The following CPLANE1 variants were observed in gnomAD, a reference collection of about 807,000 sequenced individuals.
CPLANE1 encodes ciliogenesis and planar polarity effector complex subunit 1.
CPLANE1 carries 263 observed loss-of-function variants against 362.5 expected under a neutral mutation model. The ratio of observed to expected loss-of-function variants is 0.73; its 90% CI spans 0.66 to 0.80. The LOEUF (loss-of-function observed/expected upper bound fraction) is 0.80, where lower values mean the gene tolerates loss of function less well. CPLANE1 is among the 30% of genes least tolerant of loss of function. The pLI is 0.00. For missense variants in CPLANE1, 3,461 were observed against 3,793.4 expected, an observed-to-expected ratio of 0.91 and a Z score of 2.30; for synonymous variants, 1,212 against 1,302.6, an observed-to-expected ratio of 0.93 and a Z score of 1.50.
the CPLANE1 span, among the ~76,000 whole-genome samples, chr5:37,082,815 T>C: frequency 2.1e-5 from 3 of 145,612 alleles, no homozygotes; most frequent in Non-Finnish European, 3.0e-5. Context: ...TTAGATGAAA[T>C]AGACATTAAG....
chr5:37,193,817 C>A (rs1331691069), intron 21 of CPLANE1, among the ~76,000 whole-genome samples: 3 of 151,938 alleles, frequency 2.0e-5, no homozygotes, highest in Non-Finnish European at 4.4e-5. Flanking sequence ...TAGCTCACTG[C>A]AGCCTAGAAA....
intron 46 of CPLANE1, 175 bp downstream of exon 46, chr5:37,138,545 T>C (rs771054536): frequency 1.3e-6 from 1 of 749,448 alleles, no homozygotes; most frequent in East Asian, 2.7e-5. Context: ...TTATATACTA[T>C]ATATTGTTAG....
At chr5:37,095,843 TA>T in the CPLANE1 span, among the ~76,000 whole-genome samples, 5 of 151,852 alleles carry the variant, frequency 3.3e-5, no homozygotes, top group African/African-American at 9.7e-5. Flanking sequence ...CTGCAAAAAA[TA>T]AAATGCTTAG....
rs866850814 is a variant in CPLANE1 at position 37,201,721 on chromosome 5, A to G, written c.3377T>C (p.Leu1126Pro). 6.2e-7 allele frequency: 1 copy of G among 1,614,156 alleles called. No individual in the cohort carries two copies. Among genetic ancestry groups the G allele is most frequent in the African/African-American group, 1.3e-5 (1 of 75,058 alleles). ...TATCAGAAGTTGAAATGTCTCCGAA[A>G]GAATATCTGCATCGGCCATAACTGA... ...KASVMADADI[L>P]SETFQLLIDS... Residue 1126 changes from leucine (L) to proline (P), a missense_variant, in exon 19 of 53, where the codon CTT becomes CCT. Physicochemically the swap from Leu to Pro is moderately conservative, Grantham distance 98. Coordinates refer to ENST00000651892, the MANE Select transcript of CPLANE1 (RefSeq NM_001384732.1).
chr5:37,180,250 T>TG (rs1561514657), intron 27 of CPLANE1, 67 bp from the exon 28 acceptor site: 1 of 949,690 alleles, frequency 1.1e-6, no homozygotes, highest in African/African-American at 1.9e-5. Flanking sequence ...CAGTTTTGGG[T>TG]TTTTTTTTTG....
At chr5:37,115,836 G>T (rs1224785228) in intron 50 of CPLANE1, among the ~76,000 whole-genome samples, 2 of 151,288 alleles carry the variant, frequency 1.3e-5, no homozygotes, top group Admixed American at 6.6e-5. Flanking sequence ...GACATGATCC[G>T]CCCACCTCAG....
In CPLANE1 at chr5:37,244,483, G is replaced by A. The variant is rs1738819609; in HGVS notation, c.462C>T (p.Ser154=). 1.3e-6 allele frequency: 2 copies of A among 1,551,648 alleles called. No individual in the cohort carries two copies. The highest frequency in any genetic ancestry group is 1.4e-5 in the African/African-American group (1 of 72,952). Residue 154 remains serine, a synonymous_variant, in exon 5 of 53, where the codon AGC becomes AGT. Coordinates refer to ENST00000651892, the MANE Select transcript of CPLANE1 (RefSeq NM_001384732.1). The part of the protein sequence containing the change: ...LELKNILSSK[S]LSLAGRWSQV... ...GGGACCACCGACCCGCCAATGAAAG[G>A]CTTTTAGAAGATAAGATATTCTTTA...
At chr5:37,138,981 TCTAGTATCTCTC>T in intron 45 of CPLANE1, 133 bp from the exon 46 acceptor site, 1 of 761,778 alleles carries the variant, frequency 1.3e-6, no homozygotes, top group Non-Finnish European at 2.0e-6. Context: ...TTTCTGTAAT[TCTAGTATCTCTC>T]AGTGAAAAAG....
chr5:37,175,329 G>C (rs1056928889), intron 31 of CPLANE1, among the ~76,000 whole-genome samples: 1 of 152,184 alleles, frequency 6.6e-6, no homozygotes, highest in African/African-American at 2.4e-5. Context: ...GCCGGATCTG[G>C]GTATGAGGAC....
chr5:37,217,849 A>G (rs935955167), intron 15 of CPLANE1, among the ~76,000 whole-genome samples: 2 of 150,740 alleles, frequency 1.3e-5, no homozygotes, highest in African/African-American at 4.9e-5. Context: ...GTGTGGTGGC[A>G]GGAGCCTGTA....
chr5:37,177,699 T>G lies in CPLANE1; in HGVS notation c.5822A>C (p.Glu1941Ala). ...TTGACACTGAACCTCTTCTGTGAAC[T>G]CCTGTTAAAATGAATAGTACCCAAA... is the stretch of plus-strand genomic sequence containing the variant. ...MMTLPQQLEEEFTEEVQCQRE... is the reference protein window; with the variant it reads ...MMTLPQQLEEAFTEEVQCQRE... The change falls in exon 30 of 53, where the codon GAG becomes GCG. Residue 1941 changes from glutamate (E) to alanine (A), a missense_variant and splice_region_variant. Physicochemically the swap from Glu to Ala is moderately radical, Grantham distance 107. Coordinates refer to ENST00000651892, the MANE Select transcript of CPLANE1 (RefSeq NM_001384732.1). 2 of 1,611,768 alleles carry G rather than the reference T, an allele frequency of 1.2e-6. 1 individual carries two copies. Among genetic ancestry groups the G allele is most frequent in the South Asian group, 2.2e-5 (2 of 90,844 alleles).
intron 14 of CPLANE1, among the ~76,000 whole-genome samples, chr5:37,223,007 TG>T (rs1268884906): frequency 2.0e-5 from 3 of 152,254 alleles, no homozygotes; most frequent in African/African-American, 7.2e-5. Flanking sequence ...CTGATTCCAC[TG>T]TCTTCAAGAT....
Position 37,239,755 on chromosome 5 carries a change from A to G in CPLANE1, c.792T>C (p.Asp264=), listed in dbSNP as rs886060585. 1.3e-6 allele frequency: 2 copies of G among 1,545,354 alleles called. No individual in the cohort carries two copies. The highest frequency in any genetic ancestry group is 1.7e-6 in the Non-Finnish European group (2 of 1,143,522). The part of the protein sequence containing the change: ...RGALISAFSR[D]GLTLAVTLNQ... ...TAAGAGTTACTGCCAGGGTAAGGCC[A>G]TCTCTTGAAAAGGCAGAAATTAGAG... Residue 264 remains aspartate, a synonymous_variant, in exon 7 of 53, where the codon GAT becomes GAC. Coordinates refer to ENST00000651892, the MANE Select transcript of CPLANE1 (RefSeq NM_001384732.1).
In CPLANE1 at chr5:37,179,347, A is replaced by G. The variant is rs907781683; in HGVS notation, c.5820+14T>C. On this transcript the variant is annotated intron_variant, in intron 29 of 52. Coordinates refer to ENST00000651892, the MANE Select transcript of CPLANE1 (RefSeq NM_001384732.1). ...TGAAAGAAGAATAATTATATCCACT[A>G]TTTATTGACTTACTTCTTCTAACTG... 4 of 1,514,588 alleles carry G rather than the reference A, an allele frequency of 2.6e-6. No individual in the cohort carries two copies. The highest frequency in any genetic ancestry group is 2.8e-5 in the African/African-American group (2 of 72,294). 93.8% of individuals were successfully genotyped at this position (1,514,588 alleles called of 1,614,324 possible). A position where few individuals can be genotyped will look rare whatever the true frequency, so the allele number is the denominator to read the frequency against.
In CPLANE1 at chr5:37,137,717, G is replaced by A. The variant is rs568781906; in HGVS notation, c.8792+1003C>T. On this transcript the variant is annotated intron_variant, in intron 46 of 52. Transcript: ENST00000651892. ...GGAAGGAGAAGAATGAGTGCCCACTGAAGGGGGAAGCCCCTTATAATACCA... is the reference window on the plus strand; with the variant it reads ...GGAAGGAGAAGAATGAGTGCCCACTAAAGGGGGAAGCCCCTTATAATACCA... 5.9e-5 allele frequency among the ~76,000 whole-genome samples: 9 copies of A among 152,302 alleles called. 1 individual carries two copies. In the South Asian group the frequency reaches 1.9e-3, roughly 32 times the overall value.
chr5:37,201,426 G>T lies in CPLANE1; in HGVS notation c.3507+165C>A, dbSNP rs564625355. The stretch of plus-strand genomic sequence containing the variant: ...ATACGGAAACTTAAACAGCAGTTTA[G>T]TACATTCCCTAAGATTATACAATTA... On this transcript the variant is annotated intron_variant, in intron 19 of 52. Coordinates refer to ENST00000651892, the MANE Select transcript of CPLANE1 (RefSeq NM_001384732.1). Among the ~76,000 whole-genome samples the T allele has an allele frequency of 3.3e-5, 5 of 152,276 alleles. No individual in the cohort carries two copies. The East Asian group carries it at 9.6e-4, about 29-fold the overall frequency.
chr5:37,182,572 T>A (rs1782948114), intron 26 of CPLANE1, among the ~76,000 whole-genome samples, 188 bp downstream of exon 26: 1 of 152,134 alleles, frequency 6.6e-6, no homozygotes, highest in African/African-American at 2.4e-5. Context: ...ACAGCCTCTC[T>A]GAAAGCACTT....
chr5:37,213,208 C>CA (rs1282322114), intron 16 of CPLANE1, among the ~76,000 whole-genome samples: 5 of 151,296 alleles, frequency 3.3e-5, no homozygotes, highest in South Asian at 2.1e-4. Context: ...AACTCAGTCT[C>CA]AAAAAAAAGA....
the CPLANE1 span, among the ~76,000 whole-genome samples, chr5:37,098,390 C>CAAG: frequency 2.7e-5 from 1 of 37,632 alleles, no homozygotes; most frequent in African/African-American, 8.9e-5. Context: ...AACTCCGTCT[C>CAAG]AAAAAAAAAA....
Sources: gnomAD v4.1 joint callset for allele counts (sites outside exome capture counted in the v4.1 genomes callset) on GRCh38, gnomAD v4.1.1 for gene constraint, MANE v1.5 for transcripts, NCBI Gene and HGNC (gene_info 2026-07-23, HGNC 2026-07-21) for gene names.